The following FRMD4A variants were observed in gnomAD, a reference collection of about 807,000 sequenced individuals.
FRMD4A encodes the protein FERM domain-containing protein 4A.
In FRMD4A, 29 loss-of-function variants were observed where a neutral mutation model predicts 129.1. The ratio of observed to expected loss-of-function variants is 0.22; its 90% CI spans 0.17 to 0.31. FRMD4A has a LOEUF of 0.31. Ranked by LOEUF, FRMD4A falls within the 10% of genes least tolerant of loss-of-function variation. The pLI is 1.00. For missense variants in FRMD4A, 1,272 were observed against 1,375.8 expected, an observed-to-expected ratio of 0.92 and a Z score of 1.19; for synonymous variants, 634 against 571.6, an observed-to-expected ratio of 1.11 and a Z score of -1.56.
chr10:14,140,371 C>T (rs528781939), intron 2 of FRMD4A, among the ~76,000 whole-genome samples: 6 of 152,162 alleles, frequency 3.9e-5, no homozygotes, highest in Admixed American at 1.3e-4. Context: ...CCGGAAAATG[C>T]GTTTTAAACA....
chr10:13,990,466 T>C (rs2095599453), intron 2 of FRMD4A, among the ~76,000 whole-genome samples: 1 of 152,190 alleles, frequency 6.6e-6, no homozygotes, highest in Non-Finnish European at 1.5e-5. Context: ...CTGGCCTTCC[T>C]TGTGGAGCAT....
At chr10:14,167,825 G>A (rs1041720329) in intron 2 of FRMD4A, among the ~76,000 whole-genome samples, 3 of 152,106 alleles carry the variant, frequency 2.0e-5, no homozygotes, top group Non-Finnish European at 4.4e-5. Context: ...CCACAGAGAG[G>A]AGAGCGCGCT....
chr10:14,178,511 T>C (rs1291817045), intron 2 of FRMD4A, among the ~76,000 whole-genome samples: 1 of 152,196 alleles, frequency 6.6e-6, no homozygotes, highest in Non-Finnish European at 1.5e-5. Context: ...ACTGCACCTT[T>C]TATGTCTTGT....
intron 2 of FRMD4A, among the ~76,000 whole-genome samples, chr10:13,916,241 C>T (rs1373911746): frequency 6.6e-6 from 1 of 152,240 alleles, no homozygotes; most frequent in Non-Finnish European, 1.5e-5. Flanking sequence ...TCAGCTCCAT[C>T]ATCTGCCTGG....
intron 8 of FRMD4A, among the ~76,000 whole-genome samples, chr10:13,753,769 TC>T (rs1416763684): frequency 6.6e-6 from 1 of 152,120 alleles, no homozygotes; most frequent in Admixed American, 6.6e-5. Context: ...CATCTTGAAC[TC>T]CTGGGCTCAA....
At chr10:13,808,440 G>A (rs1188303891) in intron 4 of FRMD4A, among the ~76,000 whole-genome samples, 2 of 152,236 alleles carry the variant, frequency 1.3e-5, no homozygotes, top group East Asian at 1.9e-4. Context: ...TAAGGCTAGC[G>A]CTTACTACCT....
chr10:14,022,691 G>C (rs543867262), intron 2 of FRMD4A, among the ~76,000 whole-genome samples: 252 of 152,156 alleles, frequency 1.7e-3, no homozygotes, highest in Non-Finnish European at 2.1e-3. Context: ...GGATGAGAAG[G>C]TGAGTTCAAG....
chr10:13,990,585 C>G (rs556848638), intron 2 of FRMD4A, among the ~76,000 whole-genome samples: 6 of 152,092 alleles, frequency 3.9e-5, no homozygotes, highest in African/African-American at 1.2e-4. Context: ...AAAGCCTGCC[C>G]GGGAAACCTT....
chr10:13,688,539 TATA>T lies in FRMD4A; in HGVS notation c.1117+5356_1117+5358del, dbSNP rs566698557. Among the ~76,000 whole-genome samples, 530 of 152,024 alleles carry T rather than the reference TATA, an allele frequency of 3.5e-3. 3 individuals carry two copies. Among genetic ancestry groups the T allele is most frequent in the African/African-American group, 0.012 (504 of 41,442 alleles). ...TGCACATGTACCCTAAAACTTAAAG[TATA>T]ATAATAAAAAAATTAAAAAATTTAC... is the stretch of plus-strand genomic sequence containing the variant. On this transcript the variant is annotated intron_variant, in intron 15 of 24. Transcript: ENST00000357447.
At chr10:13,931,962 C>A (rs965196235) in intron 2 of FRMD4A, among the ~76,000 whole-genome samples, 1 of 151,760 alleles carries the variant, frequency 6.6e-6, no homozygotes, top group Non-Finnish European at 1.5e-5. Flanking sequence ...AACCAACCAA[C>A]CAACCAACCA....
intron 2 of FRMD4A, among the ~76,000 whole-genome samples, chr10:14,284,901 C>T (rs1322368354): frequency 6.6e-6 from 1 of 152,172 alleles, no homozygotes; most frequent in East Asian, 1.9e-4. Context: ...TCTCTTATAC[C>T]CGCAGGAGGA....
Position 13,893,913 on chromosome 10 carries a change from A to G in FRMD4A, c.46-35001T>C, listed in dbSNP as rs1320368285. Among the ~76,000 whole-genome samples the G allele has an allele frequency of 2.6e-5, 4 of 152,158 alleles. No homozygotes were observed. The East Asian group carries it at 7.7e-4, about 29-fold the overall frequency. ...TGCTTTCCGCCTTGGCCACTGTCATATTCTGTATGTCCTAAACTGAACTTG... is the reference window on the plus strand; with the variant it reads ...TGCTTTCCGCCTTGGCCACTGTCATGTTCTGTATGTCCTAAACTGAACTTG... On this transcript the variant is annotated intron_variant, in intron 2 of 24. Coordinates refer to ENST00000357447, the MANE Select transcript of FRMD4A (RefSeq NM_018027.5).
At chr10:13,765,440 T>G (rs900047476) in intron 6 of FRMD4A, among the ~76,000 whole-genome samples, 1 of 152,138 alleles carries the variant, frequency 6.6e-6, no homozygotes. Flanking sequence ...TGTAATTATT[T>G]TTTGAGAGGT....
intron 2 of FRMD4A, among the ~76,000 whole-genome samples, chr10:13,873,302 A>G (rs565399614): frequency 6.7e-6 from 1 of 149,418 alleles, no homozygotes; most frequent in South Asian, 2.1e-4. Flanking sequence ...GACTCTCTGG[A>G]TCTAAAAAAA....
chr10:14,027,198 C>T (rs1833023519), intron 2 of FRMD4A, among the ~76,000 whole-genome samples: 1 of 152,208 alleles, frequency 6.6e-6, no homozygotes, highest in Admixed American at 6.5e-5. Flanking sequence ...GTTTCATCAA[C>T]CCTCTTCCTG....
chr10:14,019,682 G>T (rs1832644477), intron 2 of FRMD4A, among the ~76,000 whole-genome samples: 1 of 152,132 alleles, frequency 6.6e-6, no homozygotes, highest in Non-Finnish European at 1.5e-5. Context: ...TAAACAGAAG[G>T]ATCAATATAA....
chr10:14,130,567 A>G (rs919200283), intron 2 of FRMD4A, among the ~76,000 whole-genome samples: 1 of 152,198 alleles, frequency 6.6e-6, no homozygotes, highest in African/African-American at 2.4e-5. Context: ...AAACATTTTT[A>G]AGTTTCTTCT....
At chr10:14,095,647 A>G (rs899561396) in intron 2 of FRMD4A, among the ~76,000 whole-genome samples, 2 of 152,244 alleles carry the variant, frequency 1.3e-5, no homozygotes, top group Non-Finnish European at 2.9e-5. Context: ...CTCCAAAATC[A>G]TCATTCCTCT....
chr10:14,251,888 C>T (rs1589229452), intron 2 of FRMD4A, among the ~76,000 whole-genome samples: 1 of 129,372 alleles, frequency 7.7e-6, no homozygotes, highest in East Asian at 1.9e-4. Flanking sequence ...CACACATGTG[C>T]ACACACACAC....
Sources: allele counts gnomAD v4.1 joint callset (sites outside exome capture counted in the v4.1 genomes callset), GRCh38; gene constraint gnomAD v4.1.1; transcripts MANE v1.5; gene names NCBI Gene and HGNC (gene_info 2026-07-23, HGNC 2026-07-21).